Variants in ABI2 observed in about 807,000 individuals in gnomAD.
ABI2 encodes abelson interactor 2.
Under a neutral mutation model 59.2 loss-of-function variants are expected in ABI2, and 25 were observed. The observed-to-expected ratio is 0.42, with a 90% CI of 0.31 to 0.59. ABI2 has a LOEUF of 0.59. Ranked by LOEUF, ABI2 falls within the 20% of genes least tolerant of loss-of-function variation. ABI2 has a pLI of 0.14. For synonymous variants in ABI2, 213 were observed against 235.5 expected (o/e 0.90, Z 0.87); for missense variants, 545 against 681.8 (o/e 0.80, Z 2.23).
At chr2:203,360,659 G>A (rs2152902914) in intron 1 of ABI2, among the ~76,000 whole-genome samples, 1 of 152,344 alleles carries the variant, frequency 6.6e-6, no homozygotes, top group South Asian at 2.1e-4. Flanking sequence ...TTTGCCTAGA[G>A]ATCAGTCTAA....
Position 203,395,741 on chromosome 2 carries a change from A to G in ABI2, c.811A>G (p.Ile271Val), listed in dbSNP as rs770750525. 2 of 1,609,956 alleles carry G rather than the reference A, an allele frequency of 1.2e-6. No homozygotes were observed. The highest frequency in any genetic ancestry group is 1.7e-6 in the Non-Finnish European group (2 of 1,178,164). ...TGGAAGTGGTAGTGTGGGGGTTCCT[A>G]TTGCTGTTCCTACTCCATCTCCTCC... Reference protein sequence around the residue: ...NSGSGSVGVPIAVPTPSPPSV... With the variant: ...NSGSGSVGVPVAVPTPSPPSV... The change falls in exon 7 of 12, where the codon ATT (isoleucine) becomes GTT (valine). Residue 271 changes from isoleucine to valine, a missense_variant. Physicochemically the swap from Ile to Val is conservative, Grantham distance 29 (BLOSUM62 3). Coordinates refer to ENST00000261018, the MANE Select transcript of ABI2 (RefSeq NM_001375670.1).
At chr2:203,382,095 C>T in intron 3 of ABI2, 94 bp from the exon 4 acceptor site, 14 of 1,100,334 alleles carry the variant, frequency 1.3e-5, no homozygotes, top group Admixed American at 8.7e-5. Flanking sequence ...CTTGTTTTTT[C>T]TTTTTTTCCT....
At chr2:203,374,114 A>C (rs1270080065) in intron 2 of ABI2, among the ~76,000 whole-genome samples, 1 of 152,174 alleles carries the variant, frequency 6.6e-6, no homozygotes, top group Non-Finnish European at 1.5e-5. Context: ...AGCCATGTTC[A>C]TGCCACTGGA....
At chr2:203,373,805 G>C (rs954001730) in intron 2 of ABI2, among the ~76,000 whole-genome samples, 4 of 152,184 alleles carry the variant, frequency 2.6e-5, no homozygotes, top group African/African-American at 9.7e-5. Flanking sequence ...TTCTTCTCAA[G>C]AGCTAGGTAT....
intron 1 of ABI2, among the ~76,000 whole-genome samples, chr2:203,346,050 T>G (rs2083306257): frequency 6.6e-6 from 1 of 150,662 alleles, no homozygotes; most frequent in Admixed American, 6.6e-5. Context: ...ACACACAAAC[T>G]GAGGCAGGAG....
chr2:203,414,618 C>T (rs1172201091), intron 10 of ABI2, among the ~76,000 whole-genome samples: 1 of 152,206 alleles, frequency 6.6e-6, no homozygotes, highest in Non-Finnish European at 1.5e-5. Context: ...GTCTTCATGA[C>T]TTTTGCCTAC....
intron 11 of ABI2, among the ~76,000 whole-genome samples, chr2:203,426,920 A>G (rs1231661078): frequency 6.6e-6 from 1 of 152,042 alleles, no homozygotes; most frequent in East Asian, 1.9e-4. Flanking sequence ...AAGGTCATCA[A>G]AAGCACATTT....
At chr2:203,384,599 C>G (rs535665496) in intron 4 of ABI2, among the ~76,000 whole-genome samples, 1 of 151,902 alleles carries the variant, frequency 6.6e-6, no homozygotes, top group Non-Finnish European at 1.5e-5. Context: ...TGTGAGCCAC[C>G]GTGCCTGGCC....
intron 1 of ABI2, among the ~76,000 whole-genome samples, chr2:203,330,752 A>G (rs1159191700): frequency 1.3e-5 from 2 of 152,232 alleles, no homozygotes; most frequent in Non-Finnish European, 2.9e-5. Context: ...GAAATAAAAA[A>G]TAAACAGATT....
At chr2:203,359,845 T>G (rs1466288111) in intron 1 of ABI2, among the ~76,000 whole-genome samples, 1 of 151,524 alleles carries the variant, frequency 6.6e-6, no homozygotes, top group African/African-American at 2.4e-5. Flanking sequence ...TGTACATTTT[T>G]GGGGGGGGGA....
intron 1 of ABI2, among the ~76,000 whole-genome samples, chr2:203,363,267 C>T (rs890137013): frequency 3.3e-5 from 5 of 152,060 alleles, no homozygotes; most frequent in African/African-American, 7.2e-5. Context: ...AATGGGATGT[C>T]CATCACCTCA....
rs1352278896 is a variant in ABI2 at position 203,392,718 on chromosome 2, T to TAAGATTG, written c.578+1575_578+1576insAAGATTG. On this transcript the variant is annotated intron_variant, in intron 5 of 11. Transcript: ENST00000261018. The stretch of plus-strand genomic sequence containing the variant: ...TAGTGCCTTATGGATTTTGTTGGGT[T>TAAGATTG]TTAAGTCAAGATTGTTAGTAAGATA... Among the ~76,000 whole-genome samples, 105 of 152,338 alleles carry TAAGATTG rather than the reference T, an allele frequency of 6.9e-4. 1 individual carries two copies. The highest frequency in any genetic ancestry group is 8.2e-4 in the Non-Finnish European group (56 of 68,038).
At chr2:203,413,520 C>G (rs1038818471) in intron 10 of ABI2, among the ~76,000 whole-genome samples, 3 of 152,192 alleles carry the variant, frequency 2.0e-5, no homozygotes, top group Non-Finnish European at 4.4e-5. Context: ...TTTGACCACC[C>G]TATCACAGTT....
At chr2:203,399,055 A>G (rs934588519) in intron 8 of ABI2, among the ~76,000 whole-genome samples, 1 of 152,138 alleles carries the variant, frequency 6.6e-6, no homozygotes, top group African/African-American at 2.4e-5. Flanking sequence ...ATATCAGGTA[A>G]ATACCTAGGG....
At chr2:203,383,568 C>T (rs2153225245) in intron 4 of ABI2, among the ~76,000 whole-genome samples, 1 of 152,314 alleles carries the variant, frequency 6.6e-6, no homozygotes, top group South Asian at 2.1e-4. Flanking sequence ...AAGCTACTAT[C>T]TCATGCTTGT....
chr2:203,427,126 T>C, intron 11 of ABI2, 51 bp from the exon 12 acceptor site: 1 of 1,539,588 alleles, frequency 6.5e-7, no homozygotes. Flanking sequence ...GTTCTGTCTT[T>C]CTAGGAATAT....
At chr2:203,417,818 A>G (rs1470403515) in intron 11 of ABI2, among the ~76,000 whole-genome samples, 1 of 152,186 alleles carries the variant, frequency 6.6e-6, no homozygotes, top group Non-Finnish European at 1.5e-5. Flanking sequence ...AACCCCACAA[A>G]ATAATGGTTT....
intron 8 of ABI2, among the ~76,000 whole-genome samples, chr2:203,399,862 C>A (rs1468797439): frequency 2.0e-5 from 3 of 152,056 alleles, no homozygotes; most frequent in African/African-American, 7.2e-5. Context: ...AGAAATTCTT[C>A]ATTTTTATTA....
chr2:203,408,263 A>G (rs1013295155), intron 9 of ABI2, among the ~76,000 whole-genome samples: 4 of 151,370 alleles, frequency 2.6e-5, no homozygotes, highest in African/African-American at 4.9e-5. Flanking sequence ...CCTGGGTTCA[A>G]GCGATTCTCC....
Sources: allele counts gnomAD v4.1 joint callset (sites outside exome capture counted in the v4.1 genomes callset), GRCh38; gene constraint gnomAD v4.1.1; transcripts MANE v1.5; gene names NCBI Gene and HGNC (gene_info 2026-07-23, HGNC 2026-07-21).